The following OLA1 variants were observed in gnomAD, a reference collection of about 807,000 sequenced individuals.
OLA1 encodes obg-like ATPase 1.
Under a neutral mutation model 48.4 loss-of-function variants are expected in OLA1, and 14 were observed. The ratio of observed to expected loss-of-function variants is 0.29; its 90% CI spans 0.19 to 0.45. OLA1 has a LOEUF of 0.45. Ranked by LOEUF, OLA1 falls within the 20% of genes least tolerant of loss-of-function variation. The pLI, the probability that OLA1 is intolerant of heterozygous loss-of-function variation, is 1.00. For synonymous variants in OLA1, 127 were observed against 150.4 expected, an observed-to-expected ratio of 0.84 and a Z score of 1.14; for missense variants, 325 against 467.1, an observed-to-expected ratio of 0.70 and a Z score of 2.80.
At chr2:174,110,302 ATTTTT>A (rs575026912) in intron 7 of OLA1, among the ~76,000 whole-genome samples, 4 of 113,860 alleles carry the variant, frequency 3.5e-5, no homozygotes, top group Non-Finnish European at 5.3e-5. Flanking sequence ...CCATGCTTGG[ATTTTT>A]TTTTTTTTTT....
rs151055357 is a variant in OLA1, at chr2:174,090,287, C to T, written c.729-8223G>A. On this transcript the variant is annotated intron_variant, in intron 7 of 10. Coordinates refer to ENST00000284719, the MANE Select transcript of OLA1 (RefSeq NM_013341.5). ...TCTGATTCCAGTGATAACTGGAAGG[C>T]TACCACAAAATTGAAATGACGAGTG... Among the ~76,000 whole-genome samples, 25 of 152,252 alleles carry T rather than the reference C, an allele frequency of 1.6e-4. No homozygotes were observed. In the East Asian group the frequency reaches 4.8e-3, roughly 29 times the overall value.
At chr2:174,110,441 C>T (rs982739448) in intron 7 of OLA1, among the ~76,000 whole-genome samples, 7 of 150,660 alleles carry the variant, frequency 4.6e-5, no homozygotes, top group Admixed American at 2.7e-4. Flanking sequence ...TGTGAGACAC[C>T]GTGCCCGGCC....
chr2:174,163,715 T>A (rs185226851), intron 4 of OLA1, among the ~76,000 whole-genome samples: 6,707 of 16,710 alleles, frequency 0.4, 894 homozygotes, highest in East Asian at 0.59. Flanking sequence ...TAAATAAATA[T>A]ATATATATAT....
intron 5 of OLA1, among the ~76,000 whole-genome samples, chr2:174,138,522 C>A (rs1686363646): frequency 6.6e-6 from 1 of 152,152 alleles, no homozygotes; most frequent in Non-Finnish European, 1.5e-5. Flanking sequence ...GGTTTGAAAC[C>A]TTGTAAGAAT....
chr2:174,183,613 T>C (rs141709457), intron 4 of OLA1, among the ~76,000 whole-genome samples: 16 of 152,356 alleles, frequency 1.1e-4, no homozygotes, highest in African/African-American at 2.9e-4. Flanking sequence ...CTAGTGGTAC[T>C]GTGATGTGTA....
chr2:174,245,242 T>G (rs1209517779), intron 2 of OLA1, among the ~76,000 whole-genome samples: 1 of 152,182 alleles, frequency 6.6e-6, no homozygotes, highest in Non-Finnish European at 1.5e-5. Flanking sequence ...ATTTCAACTC[T>G]CTACTTAGTC....
At chr2:174,153,797 G>C (rs1434338826) in intron 4 of OLA1, among the ~76,000 whole-genome samples, 2 of 152,180 alleles carry the variant, frequency 1.3e-5, no homozygotes, top group African/African-American at 4.8e-5. Flanking sequence ...CTTTCAACAA[G>C]ATTTTTCACT....
chr2:174,237,584 C>T (rs1688888585), intron 2 of OLA1, among the ~76,000 whole-genome samples: 1 of 152,084 alleles, frequency 6.6e-6, no homozygotes, highest in African/African-American at 2.4e-5. Flanking sequence ...CCCATCTCTA[C>T]AAAAATATAT....
At chr2:174,232,413 C>A (rs1265110657) in intron 2 of OLA1, among the ~76,000 whole-genome samples, 2 of 152,046 alleles carry the variant, frequency 1.3e-5, no homozygotes, top group African/African-American at 4.8e-5. Flanking sequence ...CTGATAGATA[C>A]ACAAATACGT....
chr2:174,151,318 T>C (rs1477790567), intron 4 of OLA1, among the ~76,000 whole-genome samples: 1 of 152,196 alleles, frequency 6.6e-6, no homozygotes, highest in Non-Finnish European at 1.5e-5. Context: ...GTCAACCAGA[T>C]AACCACTCTT....
intron 7 of OLA1, among the ~76,000 whole-genome samples, chr2:174,108,817 C>T (rs1685574313): frequency 6.6e-6 from 1 of 152,178 alleles, no homozygotes; most frequent in Non-Finnish European, 1.5e-5. Context: ...TATGTAACAT[C>T]AGCCAATCAT....
chr2:174,198,887 T>A (rs1406980019), intron 4 of OLA1, among the ~76,000 whole-genome samples: 1 of 152,244 alleles, frequency 6.6e-6, no homozygotes, highest in East Asian at 1.9e-4. Context: ...GCAGTCATGG[T>A]ACAAAAGTAA....
chr2:174,202,524 A>G (rs998337262), intron 4 of OLA1, among the ~76,000 whole-genome samples: 4 of 152,316 alleles, frequency 2.6e-5, no homozygotes, highest in East Asian at 1.9e-4. Flanking sequence ...TAAACCTTGA[A>G]TAACACCATG....
chr2:174,164,358 T>G (rs997689568), intron 4 of OLA1, among the ~76,000 whole-genome samples: 7 of 152,314 alleles, frequency 4.6e-5, no homozygotes, highest in Non-Finnish European at 1.0e-4. Context: ...AATACCATTC[T>G]GCATAGTGCA....
intron 4 of OLA1, among the ~76,000 whole-genome samples, chr2:174,207,035 C>T (rs1195610718): frequency 2.6e-5 from 4 of 152,020 alleles, no homozygotes; most frequent in African/African-American, 7.2e-5. Context: ...GTGCTTATGG[C>T]GGAGGAAGGT....
chr2:174,169,515 T>C (rs1687248109), intron 4 of OLA1, among the ~76,000 whole-genome samples: 1 of 152,116 alleles, frequency 6.6e-6, no homozygotes, highest in South Asian at 2.1e-4. Flanking sequence ...ATTTTTAAAG[T>C]GCAGAAAAAA....
intron 7 of OLA1, among the ~76,000 whole-genome samples, chr2:174,117,191 A>G (rs1685804397): frequency 6.6e-6 from 1 of 152,232 alleles, no homozygotes; most frequent in African/African-American, 2.4e-5. Flanking sequence ...TGTATCCAAA[A>G]GATGCATTCA....
chr2:174,111,058 A>G (rs2105359103), intron 7 of OLA1, among the ~76,000 whole-genome samples: 1 of 152,376 alleles, frequency 6.6e-6, no homozygotes, highest in Admixed American at 6.5e-5. Context: ...CAGATCTGAC[A>G]CAGAATAATT....
At chr2:174,193,783 C>A (rs1007415111) in intron 4 of OLA1, among the ~76,000 whole-genome samples, 14 of 152,146 alleles carry the variant, frequency 9.2e-5, no homozygotes, top group African/African-American at 3.1e-4. Flanking sequence ...CCTCTCCTGT[C>A]TCTAACCCAG....
Sources: gnomAD v4.1 joint callset for allele counts (sites outside exome capture counted in the v4.1 genomes callset) on GRCh38, gnomAD v4.1.1 for gene constraint, MANE v1.5 for transcripts, NCBI Gene and HGNC (gene_info 2026-07-23, HGNC 2026-07-21) for gene names.